GTF2I: variants seen among roughly 807,000 people sequenced by gnomAD.
GTF2I encodes general transcription factor IIi, also known as general transcription factor II-I.
GTF2I carries 12 observed loss-of-function variants against 67.6 expected under a neutral mutation model. That is an observed-to-expected ratio of 0.18 (90% CI 0.11 to 0.29). GTF2I has a LOEUF of 0.29. GTF2I is among the 10% of genes least tolerant of loss of function. GTF2I has a pLI of 1.00. For synonymous variants in GTF2I, 149 were observed against 197.0 expected (o/e 0.76, Z 2.04); for missense variants, 271 against 580.1 (o/e 0.47, Z 5.47).
intron 1 of GTF2I, among the ~76,000 whole-genome samples, chr7:74,679,873 G>C (rs142663560): frequency 0.019 from 2,889 of 151,884 alleles, 41 homozygotes; most frequent in Non-Finnish European, 0.028. Context: ...CTGAGGTCAG[G>C]AGTTCAAGAC....
chr7:74,735,731 C>T (rs1171918206), intron 17 of GTF2I, among the ~76,000 whole-genome samples, 199 bp downstream of exon 17: 5 of 84,668 alleles, frequency 5.9e-5, no homozygotes, highest in Non-Finnish European at 9.6e-5. Context: ...TGCAGTGGTA[C>T]GATCTCAGCT....
chr7:74,691,800 A>T (rs1788334799), intron 3 of GTF2I, among the ~76,000 whole-genome samples: 1 of 150,784 alleles, frequency 6.6e-6, no homozygotes, highest in South Asian at 2.1e-4. Context: ...TTTGAGACAG[A>T]GTTTCACTCT....
chr7:74,725,474 G>A (rs911487473), intron 12 of GTF2I, among the ~76,000 whole-genome samples: 3 of 151,932 alleles, frequency 2.0e-5, no homozygotes, highest in Non-Finnish European at 4.4e-5. Context: ...ATCACTTGAG[G>A]CCAGGAGTTC....
rs587613452 is a variant in GTF2I at position 74,680,737 on chromosome 7, C to T, written c.-5-8387C>T. 7.2e-5 allele frequency among the ~76,000 whole-genome samples: 10 copies of T among 139,022 alleles called. 1 individual carries two copies. The South Asian group carries it at 1.6e-3, about 22-fold the overall frequency. 91.2% of individuals were successfully genotyped at this position (139,022 alleles called of 152,430 possible). On this transcript the variant is annotated intron_variant, in intron 1 of 34. Transcript: ENST00000573035. ...TCCAGGCAACAGAGTGAGACTTTGT[C>T]TCATAAAACCCAAAACCAAATGTTG...
intron 1 of GTF2I, among the ~76,000 whole-genome samples, chr7:74,661,694 T>TA (rs1394134619): frequency 1.3e-5 from 2 of 151,182 alleles, no homozygotes; most frequent in Admixed American, 6.6e-5. Context: ...AAAATAAAAA[T>TA]AAAATAGATG....
intron 14 of GTF2I, among the ~76,000 whole-genome samples, chr7:74,732,094 T>C (rs1168904231): frequency 4.7e-5 from 7 of 148,662 alleles, no homozygotes; most frequent in Non-Finnish European, 8.9e-5. Flanking sequence ...TGTGTGTATA[T>C]ATATACACAC....
chr7:74,716,790 A>G, intron 10 of GTF2I, 104 bp from the exon 11 acceptor site: 1 of 694,852 alleles, frequency 1.4e-6, no homozygotes, highest in Non-Finnish European at 2.5e-6. Context: ...CATTTTGCAT[A>G]TGTTTATTAT....
chr7:74,667,836 CTTTT>C (rs76958371), intron 1 of GTF2I, among the ~76,000 whole-genome samples: 3 of 138,728 alleles, frequency 2.2e-5, no homozygotes, highest in African/African-American at 2.6e-5. Context: ...CCAAAAGAAA[CTTTT>C]TTTTTTTTTT....
intron 1 of GTF2I, among the ~76,000 whole-genome samples, chr7:74,670,096 G>GAT (rs1338129858): frequency 6.6e-6 from 1 of 152,148 alleles, no homozygotes; most frequent in Non-Finnish European, 1.5e-5. Context: ...TAAATTAATA[G>GAT]ATATATGTAC....
chr7:74,681,021 A>G (rs1228965571), intron 1 of GTF2I, among the ~76,000 whole-genome samples: 2 of 152,334 alleles, frequency 1.3e-5, no homozygotes, highest in East Asian at 3.9e-4. Context: ...GAGATAAACA[A>G]TGAAATAGCA....
At chr7:74,662,204 CTTTTTTT>C (rs59914241) in intron 1 of GTF2I, among the ~76,000 whole-genome samples, 879 of 82,592 alleles carry the variant, frequency 0.011, 4 homozygotes, top group African/African-American at 0.024. Context: ...TTTTTTCTTT[CTTTTTTT>C]TTTTTTTTTT....
intron 14 of GTF2I, among the ~76,000 whole-genome samples, chr7:74,730,943 G>C (rs1234335587): frequency 7.6e-6 from 1 of 130,924 alleles, no homozygotes; most frequent in Non-Finnish European, 1.6e-5. Context: ...CTGACCTCAA[G>C]TGATCCTCCC....
At chr7:74,725,402 T>G (rs2131483576) in intron 12 of GTF2I, among the ~76,000 whole-genome samples, 1 of 152,150 alleles carries the variant, frequency 6.6e-6, no homozygotes, top group East Asian at 1.9e-4. Flanking sequence ...AATAACTACA[T>G]CCAGCTGGGT....
intron 1 of GTF2I, among the ~76,000 whole-genome samples, chr7:74,659,331 G>A (rs1324688160): frequency 6.6e-6 from 1 of 151,954 alleles, no homozygotes; most frequent in African/African-American, 2.4e-5. Flanking sequence ...GGGCTCCAGC[G>A]ATCCTCCTGC....
At chr7:74,719,790 C>T (rs1307657413) in intron 12 of GTF2I, among the ~76,000 whole-genome samples, 1 of 152,086 alleles carries the variant, frequency 6.6e-6, no homozygotes, top group Non-Finnish European at 1.5e-5. Context: ...TGTGGTGGTG[C>T]ATGCCTGTAA....
chr7:74,717,784 G>A (rs1380677868), intron 11 of GTF2I, among the ~76,000 whole-genome samples: 3 of 151,998 alleles, frequency 2.0e-5, no homozygotes, highest in Non-Finnish European at 2.9e-5. Flanking sequence ...TGAGGGAAAG[G>A]CAATCTTAAA....
Position 74,699,081 on chromosome 7 carries a change from T to TCTG in GTF2I, c.362_364dup (p.Cys121dup). 1 of 1,513,174 alleles carries TCTG rather than the reference T, an allele frequency of 6.6e-7. No homozygotes were observed. Among genetic ancestry groups the TCTG allele is most frequent in the Non-Finnish European group, 8.9e-7 (1 of 1,127,234 alleles). The allele number at this position is 1,513,174 out of a possible 1,614,324, so 93.7% of individuals were successfully genotyped here. A position where few individuals can be genotyped will look rare whatever the true frequency, so the allele number is the denominator to read the frequency against. ...CTCAGAAAAACAGTTGAGGACTATT[T>TCTG]CTGCTTTTGCTATGGTAAAAACAAT... is the stretch of plus-strand genomic sequence containing the variant. On this transcript the variant is annotated inframe_insertion, in exon 4 of 35. Coordinates refer to ENST00000573035, the MANE Select transcript of GTF2I (RefSeq NM_032999.4).
chr7:74,695,943 G>A (rs1478692877), intron 3 of GTF2I, among the ~76,000 whole-genome samples: 3 of 151,900 alleles, frequency 2.0e-5, no homozygotes, highest in African/African-American at 4.8e-5. Flanking sequence ...GTCCTCAGCT[G>A]CAAGCTGTAG....
At chr7:74,676,916 G>A (rs183660153) in intron 1 of GTF2I, among the ~76,000 whole-genome samples, 38 of 152,116 alleles carry the variant, frequency 2.5e-4, no homozygotes, top group African/African-American at 9.2e-4. Context: ...AAAGCTAGCT[G>A]GGTGTGGTGT....
Sources: gnomAD v4.1 joint callset for allele counts (sites outside exome capture counted in the v4.1 genomes callset) on GRCh38, gnomAD v4.1.1 for gene constraint, MANE v1.5 for transcripts, NCBI Gene and HGNC (gene_info 2026-07-23, HGNC 2026-07-21) for gene names.